ABTB3: variants seen among roughly 807,000 people sequenced by gnomAD.
ABTB3 encodes the protein ankyrin repeat- and BTB/POZ domain-containing protein 3.
the ABTB3 span, among the ~76,000 whole-genome samples, chr12:107,440,440 A>G: frequency 6.6e-6 from 1 of 152,234 alleles, no homozygotes; most frequent in Non-Finnish European, 1.5e-5. Flanking sequence ...CTGCTTCAGA[A>G]GGGCACCTGC....
the ABTB3 span, among the ~76,000 whole-genome samples, chr12:107,418,175 A>G: frequency 7.9e-5 from 12 of 152,336 alleles, no homozygotes; most frequent in Admixed American, 2.6e-4. Flanking sequence ...ATCAGCTGCC[A>G]TTGTGGCCAG....
chr12:107,512,473 C>A, the ABTB3 span, among the ~76,000 whole-genome samples: 1 of 152,158 alleles, frequency 6.6e-6, no homozygotes, highest in Non-Finnish European at 1.5e-5. Context: ...TTTCAGCACC[C>A]ACGAAGTTTG....
At chr12:107,592,657 T>C in the ABTB3 span, among the ~76,000 whole-genome samples, 9 of 152,240 alleles carry the variant, frequency 5.9e-5, no homozygotes, top group Non-Finnish European at 1.3e-4. Flanking sequence ...CTAACACTTC[T>C]ATAAAGTTCA....
chr12:107,648,480 G>A, the ABTB3 span, among the ~76,000 whole-genome samples: 1 of 151,760 alleles, frequency 6.6e-6, no homozygotes, highest in African/African-American at 2.4e-5. Flanking sequence ...GTTGTCCTAG[G>A]AGATAAGATA....
At chr12:107,584,880 G>A in the ABTB3 span, among the ~76,000 whole-genome samples, 1 of 152,272 alleles carries the variant, frequency 6.6e-6, no homozygotes, top group African/African-American at 2.4e-5. Flanking sequence ...ATTCCATGAG[G>A]CTGCATTTCT....
chr12:107,618,267 C>A, the ABTB3 span: 13 of 1,613,532 alleles, frequency 8.1e-6, no homozygotes, highest in East Asian at 4.5e-5. Flanking sequence ...AGCCCCGCCC[C>A]CCTTGTGCGC....
At chr12:107,535,779 A>G in the ABTB3 span, among the ~76,000 whole-genome samples, 1 of 152,322 alleles carries the variant, frequency 6.6e-6, no homozygotes, top group East Asian at 1.9e-4. Flanking sequence ...ATGGAAAGAC[A>G]TTCCATGCTT....
At chr12:107,516,274 A>C in the ABTB3 span, among the ~76,000 whole-genome samples, 1 of 151,580 alleles carries the variant, frequency 6.6e-6, no homozygotes, top group Non-Finnish European at 1.5e-5. Flanking sequence ...TGTGTCACCC[A>C]GGCTGGAGTG....
At chr12:107,539,893 C>A in the ABTB3 span, among the ~76,000 whole-genome samples, 3 of 152,332 alleles carry the variant, frequency 2.0e-5, no homozygotes, top group South Asian at 6.2e-4. Flanking sequence ...TAGTTCCCCA[C>A]GTTTTCCATC....
At chr12:107,571,387 T>G in the ABTB3 span, among the ~76,000 whole-genome samples, 1 of 152,222 alleles carries the variant, frequency 6.6e-6, no homozygotes, top group African/African-American at 2.4e-5. Context: ...GATGTGAAGG[T>G]GTAGTGGGTT....
chr12:107,612,629 T>G, the ABTB3 span: 2 of 773,178 alleles, frequency 2.6e-6, no homozygotes, highest in Non-Finnish European at 4.1e-6. Flanking sequence ...GGTTGTGACC[T>G]TACGAGTCAC....
At chr12:107,607,217 A>C in the ABTB3 span, among the ~76,000 whole-genome samples, 1 of 152,320 alleles carries the variant, frequency 6.6e-6, no homozygotes, top group African/African-American at 2.4e-5. Context: ...TGTCCCATGA[A>C]ATATTTCTCA....
the ABTB3 span, chr12:107,543,996 T>A: frequency 6.2e-7 from 1 of 1,613,882 alleles, no homozygotes; most frequent in Non-Finnish European, 8.5e-7. Context: ...ACCACGGCAA[T>A]GGCACCCCCC....
the ABTB3 span, among the ~76,000 whole-genome samples, chr12:107,505,975 A>T: frequency 6.6e-6 from 1 of 152,166 alleles, no homozygotes; most frequent in Non-Finnish European, 1.5e-5. Flanking sequence ...TGCTATTGTG[A>T]ATAGTGCTGC....
the ABTB3 span, among the ~76,000 whole-genome samples, chr12:107,529,163 A>C: frequency 1.2e-5 from 1 of 83,160 alleles, no homozygotes; most frequent in Non-Finnish European, 2.5e-5. Flanking sequence ...AGATGATGGT[A>C]GTGATGATGG....
the ABTB3 span, among the ~76,000 whole-genome samples, chr12:107,346,642 G>T: frequency 6.6e-6 from 1 of 152,092 alleles, no homozygotes; most frequent in Non-Finnish European, 1.5e-5. Flanking sequence ...TGTATTTTTA[G>T]TAGAGATGGG....
the ABTB3 span, among the ~76,000 whole-genome samples, chr12:107,406,978 ATT>A: frequency 6.6e-6 from 1 of 152,102 alleles, no homozygotes; most frequent in Non-Finnish European, 1.5e-5. Context: ...TACCCCTGCA[ATT>A]TGGCTGCTTT....
At chr12:107,416,934 C>T in the ABTB3 span, among the ~76,000 whole-genome samples, 1 of 152,294 alleles carries the variant, frequency 6.6e-6, no homozygotes, top group East Asian at 1.9e-4. Context: ...TGCCCAGCCA[C>T]CCCATGTCCT....
At chr12:107,366,977 G>C in the ABTB3 span, among the ~76,000 whole-genome samples, 1 of 152,340 alleles carries the variant, frequency 6.6e-6, no homozygotes, top group South Asian at 2.1e-4. Flanking sequence ...GGCTGTGCCT[G>C]TTGGCCATTT....
Sources: gnomAD v4.1 joint callset for allele counts (sites outside exome capture counted in the v4.1 genomes callset) on GRCh38, gnomAD v4.1.1 for gene constraint, MANE v1.5 for transcripts, NCBI Gene and HGNC (gene_info 2026-07-23, HGNC 2026-07-21) for gene names.